CTNS: variants seen among roughly 807,000 people sequenced by gnomAD.
The protein encoded by CTNS is cystinosin, lysosomal cystine transporter.
In CTNS, 27 loss-of-function variants were observed where a neutral mutation model predicts 43.7. The ratio of observed to expected loss-of-function variants is 0.62; its 90% CI spans 0.46 to 0.85. The LOEUF (loss-of-function observed/expected upper bound fraction) is 0.85. CTNS is among the 40% of genes least tolerant of loss of function. CTNS has a pLI of 0.00. For synonymous variants in CTNS, 187 were observed against 190.6 expected, an observed-to-expected ratio of 0.98 and a Z score of 0.16; for missense variants, 457 against 475.4, an observed-to-expected ratio of 0.96 and a Z score of 0.36.
In CTNS at chr17:3,662,751, T is replaced by TC. The variant is rs397702352; in HGVS notation, c.*2383dup. The TC allele has an allele frequency of 0.82, 125,324 of 152,172 alleles. 52,028 individuals carry two copies. Among genetic ancestry groups the TC allele is most frequent in the Non-Finnish European group, 0.88 (59,675 of 68,032 alleles). 9.4% of individuals were successfully genotyped at this position (152,172 alleles called of 1,614,324 possible). A position where few individuals can be genotyped will look rare whatever the true frequency, so the allele number is the denominator to read the frequency against. On this transcript the variant is annotated 3_prime_UTR_variant, in exon 12 of 12. Coordinates refer to ENST00000046640, the MANE Select transcript of CTNS (RefSeq NM_004937.3). ...CTGCGGCTCCACCAGCCCCGGGCTTTCAGGCAGGTGGGCCTGGGAGTAGTT... is the reference window on the plus strand; with the variant it reads ...CTGCGGCTCCACCAGCCCCGGGCTTTCCAGGCAGGTGGGCCTGGGAGTAGTT...
At chr17:3,652,495 G>A (rs1318040878) in intron 5 of CTNS, among the ~76,000 whole-genome samples, 1 of 152,108 alleles carries the variant, frequency 6.6e-6, no homozygotes, top group African/African-American at 2.4e-5. Flanking sequence ...AGGAGGCTGA[G>A]GCAGGAAAAT....
chr17:3,660,415 G>T lies in CTNS; in HGVS notation c.*46G>T. ...CCAGCCTCTGGCCTCGTGCCCTGCT[G>T]GGGAAGGCCTCACCCAGCGAAGGCC... On this transcript the variant is annotated 3_prime_UTR_variant, in exon 12 of 12. Transcript: ENST00000046640. 6.2e-7 allele frequency: 1 copy of T among 1,613,984 alleles called. No individual in the cohort carries two copies. The highest frequency in any genetic ancestry group is 8.5e-7 in the Non-Finnish European group (1 of 1,180,042).
intron 10 of CTNS, among the ~76,000 whole-genome samples, chr17:3,659,352 G>C (rs1056191335): frequency 6.6e-6 from 1 of 152,190 alleles, no homozygotes. Context: ...CGTTAACCCC[G>C]CTCTACAGAC....
chr17:3,648,051 T>G (rs161353), intron 4 of CTNS, among the ~76,000 whole-genome samples: 36,289 of 152,194 alleles, frequency 0.24, 5,013 homozygotes, highest in East Asian at 0.5. Flanking sequence ...GGAGGCTGCC[T>G]CTGCCTTCTC....
At position 3,660,274 on chromosome 17, in the gene CTNS, G is replaced by C; in HGVS notation, c.1009G>C (p.Gly337Arg). ...TLIFGDPTKFGLGVFSIVFDV... is the reference protein window; with the variant it reads ...TLIFGDPTKFRLGVFSIVFDV... The stretch of plus-strand genomic sequence containing the variant: ...GATCTTCGGAGACCCAACCAAGTTT[G>C]GACTCGGGGTCTTCTCCATCGTCTT... The change falls in exon 12 of 12, where the codon GGA (glycine) becomes CGA (arginine). Residue 337 changes from glycine (G) to arginine (R), a missense_variant. Gly to Arg is a moderately radical substitution (Grantham distance 125, BLOSUM62 -2). Coordinates refer to ENST00000046640, the MANE Select transcript of CTNS (RefSeq NM_004937.3). The C allele has an allele frequency of 5.0e-6, 8 of 1,614,244 alleles. No individual in the cohort carries two copies. The highest frequency in any genetic ancestry group is 5.9e-6 in the Non-Finnish European group (7 of 1,180,048).
upstream of CTNS, chr17:3,636,601 C>T (rs887711612): frequency 9.4e-6 from 2 of 213,840 alleles, no homozygotes; most frequent in Non-Finnish European, 1.9e-5. Context: ...ATCTCTGCGC[C>T]CCGGCCCGAC....
In CTNS at chr17:3,660,223, CGGCTGCT is replaced by C. The variant is rs1567716672; in HGVS notation, c.971-12_971-6del. The stretch of plus-strand genomic sequence containing the variant: ...CAACCTAACACCAGCTTCTGTCCCC[CGGCTGCT>C]AACAGACCAGTGGACGCTGATCTTC... On this transcript the variant is annotated splice_polypyrimidine_tract_variant and splice_region_variant and intron_variant, in intron 11 of 11. Transcript: ENST00000046640. The C allele has an allele frequency of 6.2e-7, 1 of 1,614,118 alleles. No homozygotes were observed. Among genetic ancestry groups the C allele is most frequent in the South Asian group, 1.1e-5 (1 of 91,068 alleles).
Position 3,655,341 on chromosome 17 carries a change from G to A in CTNS, c.450G>A (p.Trp150Ter). 1 of 1,614,150 alleles carries A rather than the reference G, an allele frequency of 6.2e-7. No homozygotes were observed. Among genetic ancestry groups the A allele is most frequent in the South Asian group, 1.1e-5 (1 of 91,088 alleles). ...TCTACCCTCAGGTGATCATGAATTG[G>A]AGGCGGAAAAGGTAACCCCCTGGGC... ...ISFYPQVIMN[W>*]RRKSVIGLSF... The change falls in exon 7 of 12, where the codon TGG becomes TGA. Residue 150 changes from tryptophan to a stop codon, truncating the protein, a stop_gained. Coordinates refer to ENST00000046640, the MANE Select transcript of CTNS (RefSeq NM_004937.3). LOFTEE classifies it high-confidence loss of function.
chr17:3,650,195 G>T (rs189846721), intron 5 of CTNS: 2 of 1,550,372 alleles, frequency 1.3e-6, no homozygotes, highest in African/African-American at 2.7e-5. Flanking sequence ...AGGAGGAGAA[G>T]AATGCAGGGA....
rs2076277875 is a variant in CTNS, at chr17:3,661,506, G to GT, written c.*1138dup. On this transcript the variant is annotated 3_prime_UTR_variant, in exon 12 of 12. Transcript: ENST00000046640. Reference sequence around the variant, plus strand: ...TCTACGAGATCAACGCGAGGGGCCTGTATCTTGAATTAAAACCTACTCGCT... The same window carrying GT: ...TCTACGAGATCAACGCGAGGGGCCTGTTATCTTGAATTAAAACCTACTCGCT... 1 of 152,250 alleles carries GT rather than the reference G, an allele frequency of 6.6e-6. No homozygotes were observed. Among genetic ancestry groups the GT allele is most frequent in the Non-Finnish European group, 1.5e-5 (1 of 68,188 alleles). The allele number at this position is 152,250 out of a possible 1,614,324, so 9.4% of individuals were successfully genotyped here.
rs786204632 is a variant in CTNS at position 3,658,129 on chromosome 17, TCTC to T, written c.809_811del (p.Ser270del). 6.2e-6 allele frequency: 10 copies of T among 1,612,188 alleles called. No individual in the cohort carries two copies. The South Asian group carries it at 8.8e-5, about 14-fold the overall frequency. On this transcript the variant is annotated inframe_deletion, in exon 10 of 12. Coordinates refer to ENST00000046640, the MANE Select transcript of CTNS (RefSeq NM_004937.3). Reference sequence around the variant, plus strand: ...ACGTGGCTGCAGTTTCTCTTCTGCTTCTCCTACATCAAGCTCGCAGTCACGCTG... The same window carrying T: ...ACGTGGCTGCAGTTTCTCTTCTGCTTCTACATCAAGCTCGCAGTCACGCTG...
intron 5 of CTNS, among the ~76,000 whole-genome samples, chr17:3,651,978 A>AAAAG (rs569464260): frequency 6.7e-6 from 1 of 149,580 alleles, no homozygotes; most frequent in African/African-American, 2.5e-5. Flanking sequence ...TGTCTCAAAA[A>AAAAG]AAAAGAAAAG....
intron 5 of CTNS, among the ~76,000 whole-genome samples, chr17:3,653,667 G>C (rs1304779429): frequency 2.0e-5 from 3 of 152,136 alleles, no homozygotes; most frequent in Non-Finnish European, 2.9e-5. Flanking sequence ...CTTGAGGCTG[G>C]GAGTTTGAGA....
chr17:3,640,781 A>G (rs998870503), intron 3 of CTNS, among the ~76,000 whole-genome samples: 3 of 152,174 alleles, frequency 2.0e-5, no homozygotes, highest in Non-Finnish European at 2.9e-5. Context: ...GCTCGTGCCT[A>G]TAGTCCTAGC....
intron 2 of CTNS, among the ~76,000 whole-genome samples, chr17:3,639,085 A>C (rs1392937980): frequency 1.3e-5 from 2 of 152,086 alleles, no homozygotes; most frequent in East Asian, 3.9e-4. Flanking sequence ...CCTTGGGGAA[A>C]CTGAAATCAG....
intron 5 of CTNS, among the ~76,000 whole-genome samples, chr17:3,651,505 G>T (rs1434606866): frequency 6.6e-6 from 1 of 152,200 alleles, no homozygotes. Flanking sequence ...CAGGGTAGCA[G>T]TGACCCTCGG....
Position 3,662,333 on chromosome 17 carries a change from A to ACTT in CTNS, c.*1965_*1967dup, listed in dbSNP as rs2076289464. On this transcript the variant is annotated 3_prime_UTR_variant, in exon 12 of 12. Transcript: ENST00000046640. ...TCTCAAAAAAAAAAAAAAATTATTG[A>ACTT]CTTTTCTTTAAAATCTGATTTGGCA... is the stretch of plus-strand genomic sequence containing the variant. Among the ~76,000 whole-genome samples, 1 of 151,458 alleles carries ACTT rather than the reference A, an allele frequency of 6.6e-6. No individual in the cohort carries two copies. The highest frequency in any genetic ancestry group is 6.6e-5 in the Admixed American group (1 of 15,190).
rs183344915 is a variant in CTNS, at chr17:3,655,192, C to T, written c.330-29C>T. ...GTCTCCTTCAGAAGCCCAGCCTCAG[C>T]TCATCCCGGTCCCCAAACTCCTTTC... On this transcript the variant is annotated intron_variant, in intron 6 of 11. Coordinates refer to ENST00000046640, the MANE Select transcript of CTNS (RefSeq NM_004937.3). 6.8e-6 allele frequency: 11 copies of T among 1,614,126 alleles called. No homozygotes were observed. The African/African-American group carries it at 1.2e-4, about 18-fold the overall frequency.
At chr17:3,658,652 G>A (rs1161205381) in intron 10 of CTNS, among the ~76,000 whole-genome samples, 1 of 152,258 alleles carries the variant, frequency 6.6e-6, no homozygotes, top group Non-Finnish European at 1.5e-5. Context: ...GGTCAGGGCT[G>A]AAGTTGCTGC....
Sources: allele counts gnomAD v4.1 joint callset (sites outside exome capture counted in the v4.1 genomes callset), GRCh38; gene constraint gnomAD v4.1.1; transcripts MANE v1.5; gene names NCBI Gene and HGNC (gene_info 2026-07-23, HGNC 2026-07-21).